The following N4BP2 variants were observed in gnomAD, a reference collection of about 807,000 sequenced individuals.
N4BP2 encodes the protein NEDD4 binding protein 2.
N4BP2 carries 91 observed loss-of-function variants against 152.8 expected under a neutral mutation model. The observed-to-expected ratio is 0.60, with a 90% CI of 0.50 to 0.71. N4BP2 has a LOEUF of 0.71. Ranked by LOEUF, N4BP2 falls within the 30% of genes least tolerant of loss-of-function variation. N4BP2 has a pLI of 0.00. For synonymous variants in N4BP2, 646 were observed against 705.3 expected, an observed-to-expected ratio of 0.92 and a Z score of 1.33; for missense variants, 1,923 against 2,059.1, an observed-to-expected ratio of 0.93 and a Z score of 1.28.
chr4:40,131,412 A>G (rs1718891459), intron 12 of N4BP2, among the ~76,000 whole-genome samples: 1 of 152,014 alleles, frequency 6.6e-6, no homozygotes. Context: ...ATTTTCTCTG[A>G]CTTCATTTAT....
At position 40,102,576 on chromosome 4, in the gene N4BP2, T is replaced by C. The variant is rs1325080418; in HGVS notation, c.731T>C (p.Leu244Pro). 4 of 1,614,098 alleles carry C rather than the reference T, an allele frequency of 2.5e-6. 1 individual carries two copies. Among genetic ancestry groups the C allele is most frequent in the African/African-American group, 2.7e-5 (2 of 74,930 alleles). ...GAAAGTAACTACCCGGAAGATTCTC[T>C]TCTCAGTAGTTCTTTAAATGTAGCA... ...ALESNYPEDS[L>P]LSSSLNVASD... Residue 244 changes from leucine (L) to proline (P), a missense_variant, in exon 4 of 18, where the codon CTT becomes CCT. Leu to Pro is a moderately conservative substitution (Grantham distance 98). Transcript: ENST00000261435.
At chr4:40,168,911 AG>A in the N4BP2 span, among the ~76,000 whole-genome samples, 1 of 152,036 alleles carries the variant, frequency 6.6e-6, no homozygotes, top group Middle Eastern at 3.4e-3. Context: ...TTTTTAGTAG[AG>A]ACGAGGTTTC....
intron 11 of N4BP2, among the ~76,000 whole-genome samples, chr4:40,124,897 T>C (rs1718253966): frequency 6.6e-6 from 1 of 152,226 alleles, no homozygotes; most frequent in African/African-American, 2.4e-5. Flanking sequence ...TTTTTATTGA[T>C]GTCAGTATTG....
rs139410404 is a variant in N4BP2 at position 40,140,113 on chromosome 4, C to T, written c.4786-2560C>T. Among the ~76,000 whole-genome samples the T allele has an allele frequency of 2.4e-3, 360 of 152,130 alleles. 1 individual carries two copies. The highest frequency in any genetic ancestry group is 8.2e-3 in the African/African-American group (341 of 41,514). Reference sequence around the variant, plus strand: ...AGCCTTATTTTTTTATTTTATTTTACTTTACAGAATCTTATCATCCTGCAA... The same window carrying T: ...AGCCTTATTTTTTTATTTTATTTTATTTTACAGAATCTTATCATCCTGCAA... On this transcript the variant is annotated intron_variant, in intron 14 of 17. Coordinates refer to ENST00000261435, the MANE Select transcript of N4BP2 (RefSeq NM_018177.6).
At chr4:40,158,719 G>T (rs1721775013), downstream of N4BP2, among the ~76,000 whole-genome samples, 1 of 151,936 alleles carries the variant, frequency 6.6e-6, no homozygotes, top group South Asian at 2.1e-4. Flanking sequence ...GTTGCGATGA[G>T]GCGAGATTGT....
chr4:40,113,984 C>T (rs746715802), intron 7 of N4BP2, among the ~76,000 whole-genome samples: 1 of 151,996 alleles, frequency 6.6e-6, no homozygotes, highest in Non-Finnish European at 1.5e-5. Flanking sequence ...CTGGGAGGGG[C>T]GAATTGTCGT....
chr4:40,137,163 T>TA, intron 14 of N4BP2, 81 bp downstream of exon 14: 4 of 1,100,180 alleles, frequency 3.6e-6, no homozygotes, highest in Non-Finnish European at 5.0e-6. Flanking sequence ...TATAATAATT[T>TA]AATGATTATT....
intron 3 of N4BP2, among the ~76,000 whole-genome samples, chr4:40,101,607 T>A (rs1715661084): frequency 6.6e-6 from 1 of 152,236 alleles, no homozygotes; most frequent in Non-Finnish European, 1.5e-5. Context: ...GCTCAAATAT[T>A]CTTTGTAGTA....
intron 2 of N4BP2, among the ~76,000 whole-genome samples, chr4:40,088,502 G>GTTT (rs199929808): frequency 1.2e-3 from 170 of 139,494 alleles, no homozygotes; most frequent in Non-Finnish European, 1.7e-3. Flanking sequence ...TCTCATTATA[G>GTTT]TTTTTTTTTT....
chr4:40,145,244 G>A (rs1175492860), intron 16 of N4BP2, among the ~76,000 whole-genome samples: 1 of 151,082 alleles, frequency 6.6e-6, no homozygotes, highest in Non-Finnish European at 1.5e-5. Flanking sequence ...CTTTTTCTGA[G>A]ACATAATCTC....
chr4:40,186,565 A>G, the N4BP2 span, among the ~76,000 whole-genome samples: 2 of 152,208 alleles, frequency 1.3e-5, no homozygotes, highest in Admixed American at 1.3e-4. Flanking sequence ...CTGCAGCCCC[A>G]GGACTGGGGA....
At chr4:40,082,001 A>G (rs1018777157) in intron 2 of N4BP2, among the ~76,000 whole-genome samples, 4 of 152,052 alleles carry the variant, frequency 2.6e-5, no homozygotes, top group African/African-American at 9.7e-5. Context: ...AATCCCAGCT[A>G]TTCGGGAGGC....
Position 40,066,747 on chromosome 4 carries a change from G to A in N4BP2, c.-211-6708G>A, listed in dbSNP as rs548981063. On this transcript the variant is annotated intron_variant, in intron 1 of 17. Coordinates refer to ENST00000261435, the MANE Select transcript of N4BP2 (RefSeq NM_018177.6). ...TTTTAGTTGGGGAAAAAAGTACAAC[G>A]TATTTACTATCTTAACCACTTTTAA... 5.3e-5 allele frequency among the ~76,000 whole-genome samples: 8 copies of A among 152,168 alleles called. No homozygotes were observed. The South Asian group carries it at 1.4e-3, about 28-fold the overall frequency.
intron 14 of N4BP2, among the ~76,000 whole-genome samples, chr4:40,141,335 C>T (rs552490075): frequency 0.011 from 1,593 of 150,450 alleles, 26 homozygotes; most frequent in African/African-American, 0.037. Flanking sequence ...TCAGACGGGG[C>T]GGCTTCCGGG....
chr4:40,180,702 A>T, the N4BP2 span, among the ~76,000 whole-genome samples: 3 of 152,234 alleles, frequency 2.0e-5, no homozygotes, highest in African/African-American at 7.2e-5. Flanking sequence ...AGTTAAATTA[A>T]TTATGGTACT....
At chr4:40,135,518 C>G (rs961044960) in intron 13 of N4BP2, among the ~76,000 whole-genome samples, 1 of 152,088 alleles carries the variant, frequency 6.6e-6, no homozygotes, top group African/African-American at 2.4e-5. Flanking sequence ...CCTGAGGAAT[C>G]GCCACACTGA....
intron 2 of N4BP2, among the ~76,000 whole-genome samples, chr4:40,074,614 C>G (rs1328775793): frequency 6.6e-6 from 1 of 152,150 alleles, no homozygotes; most frequent in Admixed American, 6.6e-5. Flanking sequence ...TTCAAAAGAG[C>G]TTTCGTGGTA....
At chr4:40,126,091 C>A in intron 11 of N4BP2, 43 bp from the exon 12 acceptor site, 1 of 1,172,420 alleles carries the variant, frequency 8.5e-7, no homozygotes, top group Non-Finnish European at 1.2e-6. Flanking sequence ...TTAATTTATA[C>A]ATTTATTGTT....
chr4:40,070,694 T>G (rs932533804), intron 1 of N4BP2, among the ~76,000 whole-genome samples: 1 of 152,044 alleles, frequency 6.6e-6, no homozygotes, highest in Admixed American at 6.6e-5. Flanking sequence ...CAAGTGATCC[T>G]CCTGCCTTGG....
Sources: allele counts gnomAD v4.1 joint callset (sites outside exome capture counted in the v4.1 genomes callset), GRCh38; gene constraint gnomAD v4.1.1; transcripts MANE v1.5; gene names NCBI Gene and HGNC (gene_info 2026-07-23, HGNC 2026-07-21).